SPIDR: variants seen among roughly 807,000 people sequenced by gnomAD.
The protein encoded by SPIDR is DNA repair-scaffolding protein.
In SPIDR, 93 loss-of-function variants were observed where a neutral mutation model predicts 104.6. The observed-to-expected ratio is 0.89, with a 90% CI of 0.75 to 1.06. The LOEUF is 1.06. SPIDR is among the 50% of genes least tolerant of loss of function. The probability of loss-of-function intolerance (pLI) is 0.00; values close to 1 mark genes in which losing one functional copy is unlikely to be tolerated. For synonymous variants in SPIDR, 431 were observed against 416.9 expected, an observed-to-expected ratio of 1.03 and a Z score of -0.41; for missense variants, 1,154 against 1,111.2, an observed-to-expected ratio of 1.04 and a Z score of -0.55.
At chr8:47,696,710 A>G (rs965635561) in intron 11 of SPIDR, among the ~76,000 whole-genome samples, 4 of 152,196 alleles carry the variant, frequency 2.6e-5, no homozygotes, top group African/African-American at 9.7e-5. Flanking sequence ...CACACCTAGC[A>G]CTGGAGACTT....
intron 5 of SPIDR, among the ~76,000 whole-genome samples, chr8:47,346,601 CT>C (rs1251510292): frequency 1.3e-5 from 2 of 152,100 alleles, no homozygotes; most frequent in African/African-American, 4.8e-5. Context: ...TGGTCCTGGA[CT>C]TTTTTTGCTT....
chr8:47,698,628 CATT>C (rs2079683492), intron 11 of SPIDR, among the ~76,000 whole-genome samples: 2 of 152,128 alleles, frequency 1.3e-5, no homozygotes, highest in African/African-American at 4.8e-5. Flanking sequence ...AAATAAAAGT[CATT>C]AAATTCAAAT....
intron 1 of SPIDR, among the ~76,000 whole-genome samples, chr8:47,276,223 A>G (rs1206003277): frequency 6.6e-6 from 1 of 152,328 alleles, no homozygotes; most frequent in East Asian, 1.9e-4. Context: ...ACACATGAAT[A>G]ATTTATTTGA....
Position 47,510,976 on chromosome 8 carries a change from G to C in SPIDR, c.1097+70434G>C, listed in dbSNP as rs375029882. 72 of 658,504 alleles carry C rather than the reference G, an allele frequency of 1.1e-4. No homozygotes were observed. In the African/African-American group the frequency reaches 1.1e-3, roughly 10 times the overall value. 40.8% of individuals were successfully genotyped at this position (658,504 alleles called of 1,614,324 possible). A position where few individuals can be genotyped will look rare whatever the true frequency, so the allele number is the denominator to read the frequency against. ...GGGCAGGAGGGATGATCCCCATGGG[G>C]CATGGCCACTGGCTGTGAGAAACAC... On this transcript the variant is annotated intron_variant, in intron 8 of 19. Coordinates refer to ENST00000297423, the MANE Select transcript of SPIDR (RefSeq NM_001080394.4).
chr8:47,686,966 G>A (rs530807704), intron 11 of SPIDR, among the ~76,000 whole-genome samples: 30 of 151,374 alleles, frequency 2.0e-4, no homozygotes, highest in Non-Finnish European at 4.0e-4. Context: ...AGTTTACTTA[G>A]ATACTTATTA....
chr8:47,307,651 G>T (rs2043333901), intron 5 of SPIDR, among the ~76,000 whole-genome samples: 1 of 143,380 alleles, frequency 7.0e-6, no homozygotes, highest in African/African-American at 2.6e-5. Context: ...CGATTCTCAT[G>T]CCTCAGCCTC....
At chr8:47,645,531 A>G (rs2070177389) in intron 10 of SPIDR, among the ~76,000 whole-genome samples, 1 of 152,170 alleles carries the variant, frequency 6.6e-6, no homozygotes, top group Non-Finnish European at 1.5e-5. Flanking sequence ...AAGGCCAGGC[A>G]CTGGACCCGG....
At chr8:47,468,366 A>C (rs549568948) in intron 8 of SPIDR, among the ~76,000 whole-genome samples, 1 of 152,146 alleles carries the variant, frequency 6.6e-6, no homozygotes, top group Non-Finnish European at 1.5e-5. Flanking sequence ...TCAAATTCAC[A>C]TGTATCCAAA....
intron 1 of SPIDR, among the ~76,000 whole-genome samples, chr8:47,278,071 T>G (rs587663509): frequency 6.6e-6 from 1 of 151,410 alleles, no homozygotes; most frequent in African/African-American, 2.4e-5. Flanking sequence ...TACACATCCT[T>G]GGCAGTGCTT....
intron 8 of SPIDR, among the ~76,000 whole-genome samples, chr8:47,573,100 CTT>C (rs1564369533): frequency 6.6e-6 from 1 of 152,102 alleles, no homozygotes; most frequent in Admixed American, 6.6e-5. Context: ...TATAAAATGA[CTT>C]GAAGTTCTAT....
chr8:47,386,829 C>A (rs2059958112), intron 5 of SPIDR, among the ~76,000 whole-genome samples: 1 of 149,982 alleles, frequency 6.7e-6, no homozygotes, highest in African/African-American at 2.5e-5. Context: ...TGAAGGGAGC[C>A]TAATTTTCTC....
intron 5 of SPIDR, among the ~76,000 whole-genome samples, chr8:47,344,199 A>G (rs1783969607): frequency 6.8e-6 from 1 of 146,966 alleles, no homozygotes; most frequent in East Asian, 2.1e-4. Context: ...ATTCCCACCT[A>G]TGAGTGAGAA....
chr8:47,543,850 A>G (rs1355568340), intron 8 of SPIDR, among the ~76,000 whole-genome samples: 1 of 152,194 alleles, frequency 6.6e-6, no homozygotes, highest in Admixed American at 6.5e-5. Context: ...GTGGGCTGTC[A>G]CATCAAAACT....
intron 5 of SPIDR, among the ~76,000 whole-genome samples, chr8:47,350,550 G>A (rs1554621718): frequency 6.6e-6 from 1 of 152,144 alleles, no homozygotes; most frequent in African/African-American, 2.4e-5. Flanking sequence ...TTGACATTAA[G>A]TGATCTGCCT....
At chr8:47,705,768 G>C (rs1217960536) in intron 14 of SPIDR, among the ~76,000 whole-genome samples, 1 of 152,092 alleles carries the variant, frequency 6.6e-6, no homozygotes, top group Non-Finnish European at 1.5e-5. Context: ...GCCAGGCATG[G>C]TGCTGCATGC....
intron 14 of SPIDR, among the ~76,000 whole-genome samples, chr8:47,709,016 A>G (rs912689217): frequency 2.0e-5 from 3 of 150,186 alleles, no homozygotes; most frequent in African/African-American, 7.4e-5. Context: ...TCTGTTGCCC[A>G]GGTTGGAATG....
At chr8:47,592,136 G>C in intron 8 of SPIDR, 1 of 1,403,188 alleles carries the variant, frequency 7.1e-7, no homozygotes, top group Non-Finnish European at 1.0e-6. Context: ...CTTGATGATC[G>C]GATCAATTTA....
intron 10 of SPIDR, among the ~76,000 whole-genome samples, chr8:47,661,388 A>G (rs1474948175): frequency 6.6e-6 from 1 of 152,266 alleles, no homozygotes; most frequent in Admixed American, 6.5e-5. Flanking sequence ...AGTCGCCTGC[A>G]GCCCAAGCCT....
At chr8:47,481,554 T>C in intron 8 of SPIDR, among the ~76,000 whole-genome samples, 1 of 152,212 alleles carries the variant, frequency 6.6e-6, no homozygotes, top group East Asian at 1.9e-4. Context: ...GGCAGGAGAA[T>C]CGCCTGAACC....
Sources: gnomAD v4.1 joint callset for allele counts (sites outside exome capture counted in the v4.1 genomes callset) on GRCh38, gnomAD v4.1.1 for gene constraint, MANE v1.5 for transcripts, NCBI Gene and HGNC (gene_info 2026-07-23, HGNC 2026-07-21) for gene names.